Variants in CAST observed in about 807,000 individuals in gnomAD.
CAST encodes the protein MIR583 host.
Under a neutral mutation model 119.6 loss-of-function variants are expected in CAST, and 76 were observed. That is an observed-to-expected ratio of 0.64 (90% confidence interval 0.53 to 0.77). The LOEUF (loss-of-function observed/expected upper bound fraction) is 0.77. Among genes scored for constraint, CAST ranks in the 30% least tolerant of loss-of-function variants. The probability of loss-of-function intolerance (pLI) is 0.00; values close to 1 mark genes in which losing one functional copy is unlikely to be tolerated. For missense variants in CAST, 953 were observed against 946.5 expected, an observed-to-expected ratio of 1.01 and a Z score of -0.09; for synonymous variants, 319 against 331.6, an observed-to-expected ratio of 0.96 and a Z score of 0.41.
the CAST span, among the ~76,000 whole-genome samples, chr5:96,270,976 T>G: frequency 6.6e-6 from 1 of 151,180 alleles, no homozygotes; most frequent in African/African-American, 2.4e-5. Flanking sequence ...CAGTAACATT[T>G]TATACACTAA....
the CAST span, among the ~76,000 whole-genome samples, chr5:96,055,813 T>C: frequency 3.3e-5 from 5 of 152,114 alleles, no homozygotes; most frequent in African/African-American, 1.2e-4. Flanking sequence ...CCTGTGGAAA[T>C]TTGGATTATT....
chr5:96,193,348 A>AG, the CAST span, among the ~76,000 whole-genome samples: 4 of 143,226 alleles, frequency 2.8e-5, no homozygotes, highest in African/African-American at 1.2e-4. Flanking sequence ...GGAACTGTAG[A>AG]GATTTAAATA....
At chr5:95,992,938 G>C in the CAST span, among the ~76,000 whole-genome samples, 1 of 152,062 alleles carries the variant, frequency 6.6e-6, no homozygotes, top group Admixed American at 6.5e-5. Flanking sequence ...AAAAAATGAG[G>C]TATTTAGACT....
intron 1 of CAST, among the ~76,000 whole-genome samples, chr5:96,553,866 C>G (rs2150182786): frequency 6.6e-6 from 1 of 152,232 alleles, no homozygotes; most frequent in South Asian, 2.1e-4. Flanking sequence ...AGGACCTCTT[C>G]AAGGAGAACT....
At chr5:96,450,496 A>T in the CAST span, among the ~76,000 whole-genome samples, 1 of 152,224 alleles carries the variant, frequency 6.6e-6, no homozygotes, top group Non-Finnish European at 1.5e-5. Flanking sequence ...TACAATGTAC[A>T]TTATTCGAGT....
the CAST span, among the ~76,000 whole-genome samples, chr5:96,456,633 C>A: frequency 6.6e-6 from 1 of 152,204 alleles, no homozygotes; most frequent in South Asian, 2.1e-4. Context: ...AGTGCCTACC[C>A]TGTACCAGGC....
the CAST span, among the ~76,000 whole-genome samples, chr5:95,996,857 C>T: frequency 2.0e-5 from 3 of 151,988 alleles, no homozygotes; most frequent in Non-Finnish European, 2.9e-5. Flanking sequence ...ACCTGAACTC[C>T]GTACACATTT....
In CAST at chr5:96,610,002, A is replaced by C. The variant is rs184521533; in HGVS notation, c.61-65537A>C. 2.1e-3 allele frequency among the ~76,000 whole-genome samples: 316 copies of C among 152,284 alleles called. 1 individual carries two copies. Among genetic ancestry groups the C allele is most frequent in the African/African-American group, 7.4e-3 (307 of 41,548 alleles). ...TTGGCTGTGTCCCCACTCAAATCTC[A>C]TCTTGAATTATAGCTCCCATAATCC... is the stretch of plus-strand genomic sequence containing the variant. On this transcript the variant is annotated intron_variant, in intron 1 of 11. Coordinates refer to the CAST transcript ENST00000505143.
chr5:96,331,333 A>G, the CAST span, among the ~76,000 whole-genome samples: 1 of 152,188 alleles, frequency 6.6e-6, no homozygotes, highest in African/African-American at 2.4e-5. Context: ...CATGAAACCA[A>G]ACCGAAGGAG....
chr5:96,312,378 G>A, the CAST span, among the ~76,000 whole-genome samples: 1 of 152,016 alleles, frequency 6.6e-6, no homozygotes. Flanking sequence ...CCCCTGTGTT[G>A]TATTTCTTGA....
chr5:96,402,399 G>A, the CAST span, among the ~76,000 whole-genome samples: 1 of 152,114 alleles, frequency 6.6e-6, no homozygotes, highest in African/African-American at 2.4e-5. Context: ...ATTCCTAGCT[G>A]GTGAGAGCTT....
chr5:96,641,471 C>A (rs898055211), intron 1 of CAST, among the ~76,000 whole-genome samples: 1 of 152,102 alleles, frequency 6.6e-6, no homozygotes. Flanking sequence ...TCTTGAGAAT[C>A]GGGCTCTTTG....
chr5:96,090,532 G>A, the CAST span, among the ~76,000 whole-genome samples: 4 of 151,920 alleles, frequency 2.6e-5, no homozygotes, highest in Non-Finnish European at 4.4e-5. Context: ...TAGTTCAGGG[G>A]GACTAAACAG....
intron 3 of CAST, among the ~76,000 whole-genome samples, chr5:96,705,336 GA>G (rs751814932): frequency 6.8e-6 from 1 of 147,512 alleles, no homozygotes; most frequent in African/African-American, 2.5e-5. Context: ...TATATATAAA[GA>G]AAAAAAAGAA....
the CAST span, among the ~76,000 whole-genome samples, chr5:96,060,087 C>T: frequency 6.6e-6 from 1 of 152,110 alleles, no homozygotes; most frequent in African/African-American, 2.4e-5. Flanking sequence ...ATTAACACAG[C>T]CTCAGGCACA....
chr5:96,109,925 A>G, the CAST span, among the ~76,000 whole-genome samples: 7 of 147,848 alleles, frequency 4.7e-5, no homozygotes, highest in African/African-American at 1.8e-4. Flanking sequence ...AAGTACATGT[A>G]AAAATGATAA....
the CAST span, among the ~76,000 whole-genome samples, chr5:96,345,350 T>C: frequency 6.6e-6 from 1 of 152,180 alleles, no homozygotes; most frequent in Non-Finnish European, 1.5e-5. Context: ...ATACACTATT[T>C]TACTGATACA....
intron 4 of CAST, among the ~76,000 whole-genome samples, chr5:96,724,210 C>A (rs762750598): frequency 5.1e-4 from 77 of 151,640 alleles, no homozygotes; most frequent in Admixed American, 2.2e-3. Context: ...GAGGCAGGGT[C>A]TCGCTCTGTC....
the CAST span, among the ~76,000 whole-genome samples, chr5:96,129,732 C>A: frequency 6.6e-6 from 1 of 151,856 alleles, no homozygotes. Context: ...ATATTAAGAA[C>A]AATATGACTT....
Sources: gnomAD v4.1 joint callset for allele counts (sites outside exome capture counted in the v4.1 genomes callset) on GRCh38, gnomAD v4.1.1 for gene constraint, MANE v1.5 for transcripts, NCBI Gene and HGNC (gene_info 2026-07-23, HGNC 2026-07-21) for gene names.